Variants in ANKRD30B observed in about 807,000 individuals in gnomAD.
The protein encoded by ANKRD30B is ankyrin repeat domain 30B, also known as ankyrin repeat domain-containing protein 30B.
A neutral mutation model predicts 202.2 loss-of-function variants in ANKRD30B; 144 were observed. The ratio of observed to expected loss-of-function variants is 0.71; its 90% CI spans 0.62 to 0.82. The LOEUF (loss-of-function observed/expected upper bound fraction) is 0.82, where lower values mean the gene tolerates loss of function less well. ANKRD30B is among the 40% of genes least tolerant of loss of function. The probability of loss-of-function intolerance (pLI) is 0.00; values close to 1 mark genes in which losing one functional copy is unlikely to be tolerated. For missense variants in ANKRD30B, 1,487 were observed against 1,669.1 expected, an observed-to-expected ratio of 0.89 and a Z score of 1.90; for synonymous variants, 508 against 561.3, an observed-to-expected ratio of 0.91 and a Z score of 1.34.
At chr18:14,882,492 T>C in the ANKRD30B span, among the ~76,000 whole-genome samples, 167 of 152,366 alleles carry the variant, frequency 1.1e-3, 1 homozygote, top group African/African-American at 3.9e-3. Context: ...TTCAATTTTC[T>C]TCAATTTACT....
chr18:14,885,402 A>G, the ANKRD30B span, among the ~76,000 whole-genome samples: 1 of 152,158 alleles, frequency 6.6e-6, no homozygotes, highest in East Asian at 1.9e-4. Flanking sequence ...AATTGCAGTC[A>G]TTGTCATATT....
intron 4 of ANKRD30B, among the ~76,000 whole-genome samples, chr18:14,757,324 A>T (rs1260294495): frequency 6.6e-6 from 1 of 152,178 alleles, no homozygotes; most frequent in African/African-American, 2.4e-5. Context: ...TGCTTTAAGG[A>T]TGATTGTGTT....
chr18:14,902,891 A>G, the ANKRD30B span, among the ~76,000 whole-genome samples: 2 of 152,214 alleles, frequency 1.3e-5, no homozygotes, highest in Admixed American at 6.5e-5. Context: ...TATGGAATCC[A>G]TGGGAAGCAC....
intron 39 of ANKRD30B, among the ~76,000 whole-genome samples, chr18:14,847,050 T>TTTTATATATA (rs1555672629): frequency 1.8e-5 from 2 of 111,126 alleles, no homozygotes; most frequent in African/African-American, 3.2e-5. Flanking sequence ...TGATTTAGTT[T>TTTTATATATA]TATATATATA....
chr18:14,780,159 A>G (rs1967631783), intron 11 of ANKRD30B, 138 bp downstream of exon 11: 1 of 707,982 alleles, frequency 1.4e-6, no homozygotes. Flanking sequence ...CTAAAAACAT[A>G]CTTGGCTGGG....
intron 9 of ANKRD30B, among the ~76,000 whole-genome samples, chr18:14,773,038 G>GT (rs1967113667): frequency 6.6e-6 from 1 of 152,062 alleles, no homozygotes; most frequent in African/African-American, 2.4e-5. Context: ...TGTTTTCTAA[G>GT]TTTTTCATTA....
At position 14,799,116 on chromosome 18, in the gene ANKRD30B, A is replaced by G. The variant is rs1273401608; in HGVS notation, c.2045A>G (p.Asp682Gly). 8.9e-6 allele frequency: 14 copies of G among 1,578,392 alleles called. No individual in the cohort carries two copies. Among genetic ancestry groups the G allele is most frequent in the Admixed American group, 3.3e-5 (2 of 59,788 alleles). ...TTTCTTTTAGAGTCTCCTGATAATG[A>G]TGGTCTTCTGAAGGTAATAACTTTT... ...ETLKAESPDNDGLLKPTCGRK... is the reference protein window; with the variant it reads ...ETLKAESPDNGGLLKPTCGRK... Residue 682 changes from aspartate (D) to glycine (G), a missense_variant, in exon 21 of 44, where the codon GAT (aspartate) becomes GGT (glycine). Asp to Gly is a moderately conservative substitution (Grantham distance 94). Coordinates refer to ENST00000690538, the MANE Select transcript of ANKRD30B (RefSeq NM_001367607.2).
the ANKRD30B span, among the ~76,000 whole-genome samples, chr18:14,931,453 C>A: frequency 6.6e-6 from 1 of 152,160 alleles, no homozygotes; most frequent in Non-Finnish European, 1.5e-5. Flanking sequence ...CTCCTCAATG[C>A]CCAGACTTTC....
chr18:14,808,902 T>C (rs963156669), intron 26 of ANKRD30B, among the ~76,000 whole-genome samples, 158 bp downstream of exon 26: 3 of 150,982 alleles, frequency 2.0e-5, no homozygotes, highest in Non-Finnish European at 4.4e-5. Flanking sequence ...TGAGAAAATG[T>C]CATTTAGAAG....
Position 14,826,235 on chromosome 18 carries a change from A to G in ANKRD30B, c.2744-2043A>G, listed in dbSNP as rs546980264. Among the ~76,000 whole-genome samples the G allele has an allele frequency of 2.9e-3, 445 of 152,342 alleles. 2 individuals carry two copies. The highest frequency in any genetic ancestry group is 0.014 in the Middle Eastern group (4 of 294). On this transcript the variant is annotated intron_variant, in intron 32 of 43. Transcript: ENST00000690538. ...GGGAGTATCAACATTTCACAGAGTC[A>G]CAGGACTTGGTAAAGGAGACTGAGC...
intron 9 of ANKRD30B, among the ~76,000 whole-genome samples, chr18:14,776,654 C>T (rs1421071027): frequency 6.6e-6 from 1 of 152,192 alleles, no homozygotes; most frequent in African/African-American, 2.4e-5. Flanking sequence ...AAATATGTGT[C>T]TGGCATATGT....
intron 24 of ANKRD30B, among the ~76,000 whole-genome samples, chr18:14,805,789 A>G (rs999632167): frequency 5.3e-4 from 80 of 150,564 alleles, no homozygotes; most frequent in Admixed American, 4.6e-4. Flanking sequence ...AAGATCACTT[A>G]TCTCCTCATC....
chr18:14,778,651 T>C (rs1386991031), intron 10 of ANKRD30B, among the ~76,000 whole-genome samples: 2 of 152,254 alleles, frequency 1.3e-5, no homozygotes, highest in Non-Finnish European at 2.9e-5. Flanking sequence ...ACACTCGGTA[T>C]TGACCAGAAG....
At chr18:14,757,702 T>G (rs1914598065) in intron 4 of ANKRD30B, 113 bp from the exon 5 acceptor site, 5 of 1,179,522 alleles carry the variant, frequency 4.2e-6, no homozygotes, top group Non-Finnish European at 5.8e-6. Flanking sequence ...GGATAAACAC[T>G]TGAGCACTCA....
At chr18:14,868,342 G>A in the ANKRD30B span, among the ~76,000 whole-genome samples, 1 of 152,410 alleles carries the variant, frequency 6.6e-6, no homozygotes, top group Non-Finnish European at 1.5e-5. Flanking sequence ...TCTGGAGGGT[G>A]CCCTCCTTCT....
chr18:14,918,733 G>C, the ANKRD30B span, among the ~76,000 whole-genome samples: 1 of 152,328 alleles, frequency 6.6e-6, no homozygotes, highest in Admixed American at 6.5e-5. Flanking sequence ...ATGATTGCTT[G>C]AAAGTAAACA....
the ANKRD30B span, among the ~76,000 whole-genome samples, chr18:14,915,856 T>C: frequency 6.6e-6 from 1 of 152,276 alleles, no homozygotes; most frequent in East Asian, 1.9e-4. Context: ...AGAAAAGCAA[T>C]AAAATATAAC....
intron 32 of ANKRD30B, 124 bp from the exon 33 acceptor site, chr18:14,828,154 T>A (rs1273583673): frequency 4.2e-6 from 3 of 711,136 alleles, no homozygotes; most frequent in Non-Finnish European, 7.1e-6. Context: ...ATGATCCTCC[T>A]GCCTCACCTT....
chr18:14,819,916 T>A (rs1378570952), intron 30 of ANKRD30B, among the ~76,000 whole-genome samples: 1 of 152,182 alleles, frequency 6.6e-6, no homozygotes, highest in Admixed American at 6.5e-5. Context: ...ATTGGTAGCT[T>A]GATGGGGATG....
Sources: allele counts gnomAD v4.1 joint callset (sites outside exome capture counted in the v4.1 genomes callset), GRCh38; gene constraint gnomAD v4.1.1; transcripts MANE v1.5; gene names NCBI Gene and HGNC (gene_info 2026-07-23, HGNC 2026-07-21).